Variants in LETM1 observed in about 807,000 individuals in gnomAD.
LETM1 encodes mitochondrial proton/calcium exchanger protein.
Under a neutral mutation model 74.5 loss-of-function variants are expected in LETM1, and 50 were observed. That is an observed-to-expected ratio of 0.67 (90% CI 0.53 to 0.85). The LOEUF (loss-of-function observed/expected upper bound fraction) is 0.85. Ranked by LOEUF, LETM1 falls within the 40% of genes least tolerant of loss-of-function variation. The probability of loss-of-function intolerance (pLI) is 0.00; values close to 1 mark genes in which losing one functional copy is unlikely to be tolerated. For synonymous variants in LETM1, 446 were observed against 407.1 expected (o/e 1.10, Z -1.15); for missense variants, 824 against 967.8 (o/e 0.85, Z 1.97).
In LETM1 at chr4:1,834,679, C is replaced by G; in HGVS notation, c.876+166G>C. The G allele has an allele frequency of 6.9e-7, 1 of 1,451,894 alleles. No individual in the cohort carries two copies. The highest frequency in any genetic ancestry group is 9.0e-7 in the Non-Finnish European group (1 of 1,106,680). The allele number at this position is 1,451,894 out of a possible 1,614,324, so 89.9% of individuals were successfully genotyped here. On this transcript the variant is annotated intron_variant, in intron 5 of 13. Transcript: ENST00000302787. The surrounding 1 kb of genome is among the most constrained non-coding windows in gnomAD (Gnocchi z 5.0). ...TTAACTCACTGGGAGCTCGTGGGGG[C>G]AGACTCCTGACACTCCACTGGCCCC...
chr4:1,829,348 T>C (rs1399213779), intron 6 of LETM1, among the ~76,000 whole-genome samples: 3 of 140,222 alleles, frequency 2.1e-5, no homozygotes, highest in Admixed American at 7.0e-5. Context: ...GGCGGAGGGC[T>C]GACCCCCCCA....
At chr4:1,844,962 C>T (rs940600918) in intron 2 of LETM1, among the ~76,000 whole-genome samples, 7 of 149,602 alleles carry the variant, frequency 4.7e-5, no homozygotes, top group Non-Finnish European at 7.4e-5. Context: ...GAGGCCGAGG[C>T]GGGCAGATCA....
Position 1,814,148 on chromosome 4 carries a change from C to T in LETM1, c.*276G>A. 2.1e-6 allele frequency: 1 copy of T among 473,104 alleles called. No individual in the cohort carries two copies. Among genetic ancestry groups the T allele is most frequent in the Admixed American group, 3.4e-5 (1 of 29,844 alleles). 29.3% of individuals were successfully genotyped at this position (473,104 alleles called of 1,614,324 possible). ...CCACACACATGGGGGCGCCTTCCTG[C>T]CTTGGCCCAGCCCAGCTGCCTCTGG... On this transcript the variant is annotated 3_prime_UTR_variant, in exon 14 of 14. Coordinates refer to ENST00000302787, the MANE Select transcript of LETM1 (RefSeq NM_012318.3).
chr4:1,847,017 A>G (rs922646922), intron 2 of LETM1, among the ~76,000 whole-genome samples: 1 of 152,172 alleles, frequency 6.6e-6, no homozygotes, highest in Non-Finnish European at 1.5e-5. Flanking sequence ...ATTATCTAAA[A>G]TGCAATGCAT....
At chr4:1,845,388 C>CTGCT (rs1712846163) in intron 2 of LETM1, among the ~76,000 whole-genome samples, 2 of 151,866 alleles carry the variant, frequency 1.3e-5, no homozygotes, top group Non-Finnish European at 2.9e-5. Context: ...GGTGGATCAC[C>CTGCT]TGAGGTCAGG....
intron 2 of LETM1, among the ~76,000 whole-genome samples, chr4:1,844,037 C>G (rs757243028): frequency 9.2e-5 from 14 of 152,280 alleles, no homozygotes; most frequent in Middle Eastern, 3.4e-3. Context: ...TTAGCAAGGA[C>G]GATGGTGGCT....
Position 1,834,666 on chromosome 4 carries a change from G to A in LETM1, c.876+179C>T. The A allele has an allele frequency of 1.4e-6, 2 of 1,434,302 alleles. No individual in the cohort carries two copies. Among genetic ancestry groups the A allele is most frequent in the South Asian group, 3.0e-5 (2 of 67,430 alleles). The allele number at this position is 1,434,302 out of a possible 1,614,324, so 88.8% of individuals were successfully genotyped here. ...CAGCCACCACAGCTTAACTCACTGG[G>A]AGCTCGTGGGGGCAGACTCCTGACA... On this transcript the variant is annotated intron_variant, in intron 5 of 13. Transcript: ENST00000302787. The surrounding 1 kb of genome is among the most constrained non-coding windows in gnomAD (Gnocchi z 5.0).
At chr4:1,816,637 A>T in intron 12 of LETM1, 90 bp downstream of exon 12, 1 of 1,298,466 alleles carries the variant, frequency 7.7e-7, no homozygotes, top group Non-Finnish European at 1.1e-6. Context: ...TGCCCTTTGG[A>T]GCCAGAAGGG....
At chr4:1,828,516 C>CG (rs1712108242) in intron 6 of LETM1, among the ~76,000 whole-genome samples, 1 of 129,752 alleles carries the variant, frequency 7.7e-6, no homozygotes, top group South Asian at 2.4e-4. Flanking sequence ...TGACCCCCCC[C>CG]CCCACCTCCC....
At chr4:1,819,545 G>T in intron 10 of LETM1, 73 bp from the exon 11 acceptor site, 1 of 1,512,078 alleles carries the variant, frequency 6.6e-7, no homozygotes. Flanking sequence ...GTGACCAGCT[G>T]CTCTGTTCAT....
At chr4:1,828,794 G>A (rs1712131503) in intron 6 of LETM1, among the ~76,000 whole-genome samples, 1 of 143,728 alleles carries the variant, frequency 7.0e-6, no homozygotes, top group Non-Finnish European at 1.5e-5. Context: ...GGACGGGGCG[G>A]CTGGCCGGGC....
At chr4:1,844,973 C>T (rs1390041859) in intron 2 of LETM1, among the ~76,000 whole-genome samples, 10 of 151,166 alleles carry the variant, frequency 6.6e-5, no homozygotes, top group Admixed American at 5.3e-4. Context: ...GGGCAGATCA[C>T]GAGGTCAGGA....
chr4:1,844,976 G>A lies in LETM1; in HGVS notation c.144-3179C>T, dbSNP rs182580832. ...AGAGGCCGAGGCGGGCAGATCACGA[G>A]GTCAGGAGTTTGAGACCAGCCTGGC... On this transcript the variant is annotated intron_variant, in intron 2 of 13. Transcript: ENST00000302787. Among the ~76,000 whole-genome samples the A allele has an allele frequency of 8.6e-4, 131 of 151,824 alleles. 2 individuals are homozygous for A. Among genetic ancestry groups the A allele is most frequent in the African/African-American group, 2.9e-3 (121 of 41,328 alleles).
At chr4:1,823,520 G>A in intron 8 of LETM1, 124 bp downstream of exon 8, 1 of 1,204,700 alleles carries the variant, frequency 8.3e-7, no homozygotes, top group Non-Finnish European at 1.2e-6. Context: ...ACTCGCGAGG[G>A]GGTGGGAGGC....
At chr4:1,821,664 C>T (rs941516222) in intron 10 of LETM1, among the ~76,000 whole-genome samples, 4 of 152,138 alleles carry the variant, frequency 2.6e-5, no homozygotes, top group Admixed American at 6.5e-5. Flanking sequence ...CTTCAGCCCG[C>T]GAGTTCAAGA....
rs201808137 is a variant in LETM1, at chr4:1,825,586, C to T, written c.1178G>A (p.Arg393His). 24 of 1,613,464 alleles carry T rather than the reference C, an allele frequency of 1.5e-5. No individual in the cohort carries two copies. Among genetic ancestry groups the T allele is most frequent in the Middle Eastern group, 1.7e-4 (1 of 6,048 alleles). ...CACCTGCTTCAGCTGACCCCTCAGG[C>T]GGTCTTCCGTGACGCCCAGGGCCCG... ...GMRALGVTED[R>H]LRGQLKQWLD... Residue 393 changes from arginine (R) to histidine (H), a missense_variant, in exon 7 of 14, where the codon CGC becomes CAC. Physicochemically the swap from Arg to His is conservative, Grantham distance 29 (BLOSUM62 0). This residue lies in a region of LETM1 where 269 missense variants were observed against 348.8 expected (regional missense o/e 0.77). Coordinates refer to ENST00000302787, the MANE Select transcript of LETM1 (RefSeq NM_012318.3).
intron 2 of LETM1, 125 bp downstream of exon 2, chr4:1,849,024 G>C: frequency 1.4e-6 from 1 of 695,670 alleles, no homozygotes; most frequent in Non-Finnish European, 2.6e-6. Context: ...AGGTTTAAAA[G>C]AAACAAAGAA....
At position 1,816,916 on chromosome 4, in the gene LETM1, TAATAA is replaced by T; in HGVS notation, c.1744-7_1744-3del. On this transcript the variant is annotated splice_region_variant and splice_polypyrimidine_tract_variant and intron_variant, in intron 11 of 13. Transcript: ENST00000302787. ...TTCCTTCTTGATCTCCTGCAAGTCC[TAATAA>T]AATTATTTTGGTTGTAAAAAGTTTG... 1 of 1,607,234 alleles carries T rather than the reference TAATAA, an allele frequency of 6.2e-7. No individual in the cohort carries two copies. The highest frequency in any genetic ancestry group is 8.5e-7 in the Non-Finnish European group (1 of 1,175,372).
chr4:1,824,284 G>T (rs947884637), intron 7 of LETM1, among the ~76,000 whole-genome samples: 1 of 152,224 alleles, frequency 6.6e-6, no homozygotes, highest in Non-Finnish European at 1.5e-5. Flanking sequence ...TCGCGCCACT[G>T]CACTCCAGCC....
Sources: gnomAD v4.1 joint callset for allele counts (sites outside exome capture counted in the v4.1 genomes callset) on GRCh38, gnomAD v4.1.1 for gene constraint, gnomAD v4.1.1 regional missense constraint, Gnocchi (gnomAD v3.1) non-coding constraint, MANE v1.5 for transcripts, NCBI Gene and HGNC (gene_info 2026-07-23, HGNC 2026-07-21) for gene names.